Variants in TBC1D20 observed in about 807,000 individuals in gnomAD.
TBC1D20 encodes the protein TBC1 domain family member 20.
A neutral mutation model predicts 41.6 loss-of-function variants in TBC1D20; 12 were observed. The observed-to-expected ratio is 0.29, with a 90% CI of 0.18 to 0.47. The LOEUF (loss-of-function observed/expected upper bound fraction) is 0.47. Among genes scored for constraint, TBC1D20 ranks in the 20% least tolerant of loss-of-function variants. The pLI is 1.00. For missense variants in TBC1D20, 421 were observed against 517.4 expected (o/e 0.81, Z 1.81); for synonymous variants, 205 against 204.8 (o/e 1.00, Z -0.01).
rs1159323959 is a variant in TBC1D20 at position 435,586 on chromosome 20, G to A, written c.*3000C>T. The A allele has an allele frequency of 6.5e-6, 1 of 153,700 alleles. No homozygotes were observed. The highest frequency in any genetic ancestry group is 1.9e-4 in the East Asian group (1 of 5,204). The allele number at this position is 153,700 out of a possible 1,614,324, so 9.5% of individuals were successfully genotyped here. A position where few individuals can be genotyped will look rare whatever the true frequency, so the allele number is the denominator to read the frequency against. Reference sequence around the variant, plus strand: ...AGGTCTGGACGGGTCCTGGGCAAATGCTGGAGCTTCTGTCCCCATGGAGTG... The same window carrying A: ...AGGTCTGGACGGGTCCTGGGCAAATACTGGAGCTTCTGTCCCCATGGAGTG... On this transcript the variant is annotated 3_prime_UTR_variant, in exon 8 of 8. Transcript: ENST00000354200.
intron 1 of TBC1D20, among the ~76,000 whole-genome samples, chr20:457,152 T>C (rs1019497432): frequency 5.9e-5 from 9 of 152,024 alleles, no homozygotes; most frequent in Non-Finnish European, 8.8e-5. Flanking sequence ...GTCAGGCTGG[T>C]CTCGAACTCC....
chr20:440,607 C>T (rs1470052258), intron 5 of TBC1D20: 1 of 526,808 alleles, frequency 1.9e-6, no homozygotes, highest in Non-Finnish European at 3.2e-6. Flanking sequence ...GCTGCTTTAT[C>T]TCACTGGGTG....
rs2017149119 is a variant in TBC1D20 at position 437,861 on chromosome 20, C to A, written c.*725G>T. Reference sequence around the variant, plus strand: ...TATTCTAAAAATAGTAATAAAAGTACCTTTTATAAGCAATGTTGTGTGGCT... The same window carrying A: ...TATTCTAAAAATAGTAATAAAAGTAACTTTTATAAGCAATGTTGTGTGGCT... On this transcript the variant is annotated 3_prime_UTR_variant, in exon 8 of 8. Transcript: ENST00000354200. The A allele has an allele frequency of 1.3e-5, 2 of 153,320 alleles. No homozygotes were observed. The highest frequency in any genetic ancestry group is 2.9e-5 in the Non-Finnish European group (2 of 68,002). The allele number at this position is 153,320 out of a possible 1,614,324, so 9.5% of individuals were successfully genotyped here.
chr20:442,531 G>T (rs890541243), intron 3 of TBC1D20, among the ~76,000 whole-genome samples: 1 of 152,154 alleles, frequency 6.6e-6, no homozygotes, highest in Non-Finnish European at 1.5e-5. Context: ...CATGAGAAAC[G>T]CATAAATCTA....
At chr20:460,023 A>G (rs1485575420) in intron 1 of TBC1D20, among the ~76,000 whole-genome samples, 1 of 152,076 alleles carries the variant, frequency 6.6e-6, no homozygotes, top group Middle Eastern at 3.2e-3. Flanking sequence ...TTTTTCATAT[A>G]TTTTTTCATA....
chr20:439,201 T>A lies in TBC1D20; in HGVS notation c.863A>T (p.Tyr288Phe). The part of the protein sequence containing the change: ...LLSQIPQDLP[Y>F]ETLISRAGDL... ...TCCTGCTCTGCTGATCAGTGTCTCA[T>A]AGGGCAAGTCCTGAGGGATCTGGGA... is the stretch of plus-strand genomic sequence containing the variant. The change falls in exon 7 of 8, where the codon TAT becomes TTT. Residue 288 changes from tyrosine (Y) to phenylalanine (F), a missense_variant. Tyr to Phe is a conservative substitution (Grantham distance 22). This residue lies in a region of TBC1D20 where 161 missense variants were observed against 182.7 expected (regional missense o/e 0.88). Transcript: ENST00000354200. This position sits in a 1 kb window ranked among gnomAD's most constrained non-coding sequence, Gnocchi z 4.6. 6.2e-7 allele frequency: 1 copy of A among 1,614,212 alleles called. No individual in the cohort carries two copies. The highest frequency in any genetic ancestry group is 8.5e-7 in the Non-Finnish European group (1 of 1,180,032).
intron 1 of TBC1D20, among the ~76,000 whole-genome samples, chr20:449,701 C>T (rs1268611121): frequency 1.3e-5 from 2 of 152,208 alleles, no homozygotes; most frequent in Admixed American, 6.5e-5. Flanking sequence ...CAGATGACTT[C>T]CCTGCTCTGG....
At chr20:445,212 G>T in intron 2 of TBC1D20, 82 bp from the exon 3 acceptor site, 2 of 983,870 alleles carry the variant, frequency 2.0e-6, no homozygotes, top group Non-Finnish European at 3.2e-6. Context: ...GACACAAAAG[G>T]CCTAGAGGGC....
Position 438,422 on chromosome 20 carries a change from A to C in TBC1D20, c.*164T>G, listed in dbSNP as rs1201528723. 2.6e-6 allele frequency: 2 copies of C among 765,602 alleles called. No individual in the cohort carries two copies. Among genetic ancestry groups the C allele is most frequent in the African/African-American group, 1.7e-5 (1 of 57,228 alleles). The allele number at this position is 765,602 out of a possible 1,614,324, so 47.4% of individuals were successfully genotyped here. A position where few individuals can be genotyped will look rare whatever the true frequency, so the allele number is the denominator to read the frequency against. On this transcript the variant is annotated 3_prime_UTR_variant, in exon 8 of 8. Coordinates refer to ENST00000354200, the MANE Select transcript of TBC1D20 (RefSeq NM_144628.4). ...CCCTCTGTGTCAGGTAGGCTCTGCTACTGGCCTCTGAAGTAAAGGCAAACA... is the reference window on the plus strand; with the variant it reads ...CCCTCTGTGTCAGGTAGGCTCTGCTCCTGGCCTCTGAAGTAAAGGCAAACA...
At position 443,757 on chromosome 20, in the gene TBC1D20, A is replaced by T. The variant is rs191750365; in HGVS notation, c.337+1293T>A. 1.2e-3 allele frequency among the ~76,000 whole-genome samples: 185 copies of T among 152,316 alleles called. 2 individuals are homozygous for T. The highest frequency in any genetic ancestry group is 0.011 in the Admixed American group (165 of 15,296). On this transcript the variant is annotated intron_variant, in intron 3 of 7. Transcript: ENST00000354200. Reference sequence around the variant, plus strand: ...GAAAAAGAATATGAAGCCACACTGTAAGTTCAGCCTACAGAAAGCGTATCA... The same window carrying T: ...GAAAAAGAATATGAAGCCACACTGTTAGTTCAGCCTACAGAAAGCGTATCA...
Position 445,131 on chromosome 20 carries a change from C to T in TBC1D20, c.257-1G>A. ...TTGCTCATCTGCCGTAGGTTCTTCC[C>T]TATTGAAGGAAAAGGCACGTTATTG... On this transcript the variant is annotated splice_acceptor_variant, in intron 2 of 7. Coordinates refer to ENST00000354200, the MANE Select transcript of TBC1D20 (RefSeq NM_144628.4). LOFTEE classifies it high-confidence loss of function. The T allele has an allele frequency of 1.9e-6, 3 of 1,590,802 alleles. No individual in the cohort carries two copies. The highest frequency in any genetic ancestry group is 2.6e-6 in the Non-Finnish European group (3 of 1,165,298).
rs1568573862 is a variant in TBC1D20, at chr20:438,044, G to T, written c.*542C>A. ...AGTAACCTAGTTCCCTTCTGTCTCTGATTTCTGATCAGCTGATGGAGCTGC... is the reference window on the plus strand; with the variant it reads ...AGTAACCTAGTTCCCTTCTGTCTCTTATTTCTGATCAGCTGATGGAGCTGC... On this transcript the variant is annotated 3_prime_UTR_variant, in exon 8 of 8. Transcript: ENST00000354200. The T allele has an allele frequency of 6.5e-6, 1 of 153,564 alleles. No homozygotes were observed. The highest frequency in any genetic ancestry group is 6.4e-5 in the Admixed American group (1 of 15,526). 9.5% of individuals were successfully genotyped at this position (153,564 alleles called of 1,614,324 possible).
chr20:448,014 G>C lies in TBC1D20; in HGVS notation c.131C>G (p.Pro44Arg). Residue 44 changes from proline (P) to arginine (R), a missense_variant, in exon 2 of 8, where the codon CCC becomes CGC. Transcript: ENST00000354200. ...GCGTCTAAGGGCAGCCACATCAGTG[G>C]GATCACTGTTCAGAGCCTGGTGTAT... The part of the protein sequence containing the change: ...AEIHQALNSD[P>R]TDVAALRRMA... 1 of 1,613,960 alleles carries C rather than the reference G, an allele frequency of 6.2e-7. No homozygotes were observed. The highest frequency in any genetic ancestry group is 8.5e-7 in the Non-Finnish European group (1 of 1,179,860).
In TBC1D20 at chr20:449,611, T is replaced by C. The variant is rs566171679; in HGVS notation, c.71-1537A>G. On this transcript the variant is annotated intron_variant, in intron 1 of 7. Transcript: ENST00000354200. ...ACTCCGTCTCAAAAAAAATGATAAG[T>C]GAAAAAAGAAATGTGTTAAAATCAG... Among the ~76,000 whole-genome samples, 28 of 151,976 alleles carry C rather than the reference T, an allele frequency of 1.8e-4. No homozygotes were observed. In the South Asian group the frequency reaches 4.8e-3, roughly 26 times the overall value.
chr20:444,042 A>C (rs2017286376), intron 3 of TBC1D20, among the ~76,000 whole-genome samples: 1 of 151,910 alleles, frequency 6.6e-6, no homozygotes, highest in Admixed American at 6.6e-5. Context: ...GAGGCAGGAG[A>C]ACTGCCTGAA....
chr20:444,487 G>T (rs1413962617), intron 3 of TBC1D20, among the ~76,000 whole-genome samples: 1 of 151,386 alleles, frequency 6.6e-6, no homozygotes, highest in East Asian at 1.9e-4. Context: ...TGTGAAAATT[G>T]AGACAACGGT....
chr20:456,762 T>C (rs536494613), intron 1 of TBC1D20, among the ~76,000 whole-genome samples: 3 of 150,250 alleles, frequency 2.0e-5, no homozygotes, highest in African/African-American at 7.3e-5. Context: ...GACGGGGTTT[T>C]GCCATGTTGG....
rs1198052752 is a variant in TBC1D20 at position 453,539 on chromosome 20, C to CTTTTT, written c.71-5466_71-5465insAAAAA. Among the ~76,000 whole-genome samples the CTTTTT allele has an allele frequency of 6.6e-4, 72 of 109,708 alleles. 9 individuals carry two copies. Among genetic ancestry groups the CTTTTT allele is most frequent in the African/African-American group, 1.0e-3 (26 of 25,766 alleles). 72.0% of individuals were successfully genotyped at this position (109,708 alleles called of 152,430 possible). ...ACGGTGGCTCGTGCCTGTAATCCAGCATTTTTTTTTTTTTTTTTTTTTTTG... is the reference window on the plus strand; with the variant it reads ...ACGGTGGCTCGTGCCTGTAATCCAGCTTTTTATTTTTTTTTTTTTTTTTTTTTTTG... On this transcript the variant is annotated intron_variant, in intron 1 of 7. Transcript: ENST00000354200.
In TBC1D20 at chr20:441,582, A is replaced by G. The variant is rs1222164723; in HGVS notation, c.626+6T>C. ...CATGCACACAGAAATGCAGACACAT[A>G]TGTACCTCTGCATGAAGTCATGGAG... On this transcript the variant is annotated splice_donor_region_variant and intron_variant, in intron 5 of 7. Transcript: ENST00000354200. The G allele has an allele frequency of 1.2e-6, 2 of 1,612,708 alleles. No individual in the cohort carries two copies. The highest frequency in any genetic ancestry group is 3.3e-5 in the Admixed American group (2 of 59,996).
Sources: allele counts gnomAD v4.1 joint callset (sites outside exome capture counted in the v4.1 genomes callset), GRCh38; gene constraint gnomAD v4.1.1; regional missense constraint gnomAD v4.1.1; non-coding constraint Gnocchi (gnomAD v3.1); transcripts MANE v1.5; gene names NCBI Gene and HGNC (gene_info 2026-07-23, HGNC 2026-07-21).